The following CEP162 variants were observed in gnomAD, a reference collection of about 807,000 sequenced individuals.
CEP162 encodes the protein centrosomal protein 162.
CEP162 carries 141 observed loss-of-function variants against 169.2 expected under a neutral mutation model. The ratio of observed to expected loss-of-function variants is 0.83; its 90% CI spans 0.73 to 0.96. The LOEUF (loss-of-function observed/expected upper bound fraction) is 0.96. CEP162 is among the 40% of genes least tolerant of loss of function. The pLI is 0.00. For synonymous variants in CEP162, 540 were observed against 526.4 expected (o/e 1.03, Z -0.35); for missense variants, 1,600 against 1,587.2 (o/e 1.01, Z -0.14).
intron 24 of CEP162, among the ~76,000 whole-genome samples, chr6:84,148,446 T>C (rs1000475100): frequency 4.6e-5 from 7 of 152,052 alleles, no homozygotes; most frequent in Non-Finnish European, 1.0e-4. Flanking sequence ...GAAGAATCGC[T>C]TGAACCTGGG....
At chr6:84,161,939 T>C (rs2099525954) in intron 19 of CEP162, 30 bp from the exon 20 acceptor site, 3 of 1,335,046 alleles carry the variant, frequency 2.2e-6, no homozygotes, top group East Asian at 4.7e-5. Flanking sequence ...AATAACCTGC[T>C]TGTTGTTCTC....
At chr6:84,127,992 A>T (rs901060984) in intron 25 of CEP162, among the ~76,000 whole-genome samples, 2 of 152,142 alleles carry the variant, frequency 1.3e-5, no homozygotes, top group Non-Finnish European at 2.9e-5. Flanking sequence ...CAGATGTCTC[A>T]TTTTTTTATT....
chr6:84,164,963 C>A (rs1281263586), intron 18 of CEP162, among the ~76,000 whole-genome samples: 1 of 152,114 alleles, frequency 6.6e-6, no homozygotes, highest in African/African-American at 2.4e-5. Flanking sequence ...TATAACCCAG[C>A]TTTACCCATG....
At chr6:84,145,333 T>C (rs998164310) in intron 25 of CEP162, among the ~76,000 whole-genome samples, 1 of 152,164 alleles carries the variant, frequency 6.6e-6, no homozygotes, top group Admixed American at 6.6e-5. Flanking sequence ...AGAATCCTTA[T>C]TAAAAGTTCC....
At chr6:84,224,285 C>T (rs77276529) in intron 2 of CEP162, among the ~76,000 whole-genome samples, 5,269 of 152,204 alleles carry the variant, frequency 0.035, 150 homozygotes, top group African/African-American at 0.082. Flanking sequence ...AAACCAGACC[C>T]AAAGGGCCCC....
At chr6:84,175,737 C>T (rs1158821238) in intron 13 of CEP162, among the ~76,000 whole-genome samples, 2 of 152,102 alleles carry the variant, frequency 1.3e-5, no homozygotes, top group African/African-American at 4.8e-5. Flanking sequence ...CAGCTGATAA[C>T]ATTATGAAAC....
chr6:84,225,704 ATAAT>A (rs1344540682), intron 2 of CEP162, among the ~76,000 whole-genome samples: 1 of 146,940 alleles, frequency 6.8e-6, no homozygotes, highest in Non-Finnish European at 1.5e-5. Flanking sequence ...TACAAGAAAA[ATAAT>A]TAATGTGCTA....
chr6:84,174,626 A>T, intron 15 of CEP162, 101 bp downstream of exon 15: 1 of 639,248 alleles, frequency 1.6e-6, no homozygotes, highest in South Asian at 2.3e-5. Flanking sequence ...CATCAAGTCA[A>T]ACATCTCTAG....
At chr6:84,180,819 C>G (rs1303129972) in intron 13 of CEP162, among the ~76,000 whole-genome samples, 1 of 152,128 alleles carries the variant, frequency 6.6e-6, no homozygotes, top group South Asian at 2.1e-4. Context: ...AGGAGAACTA[C>G]AAAACACTGC....
At chr6:84,214,025 TC>T (rs2099550595) in intron 5 of CEP162, among the ~76,000 whole-genome samples, 1 of 152,194 alleles carries the variant, frequency 6.6e-6, no homozygotes, top group South Asian at 2.1e-4. Context: ...ATGCCTGTAA[TC>T]CCAGCACTTT....
At chr6:84,201,891 CTG>C in intron 7 of CEP162, 124 bp from the exon 8 acceptor site, 1 of 526,174 alleles carries the variant, frequency 1.9e-6, no homozygotes, top group South Asian at 2.7e-5. Flanking sequence ...CGATCAGGAA[CTG>C]TGTTTTCTAG....
chr6:84,164,321 C>G (rs1205351526), intron 18 of CEP162, among the ~76,000 whole-genome samples: 1 of 152,132 alleles, frequency 6.6e-6, no homozygotes, highest in Admixed American at 6.6e-5. Context: ...ACTAGAAATA[C>G]CATTTGACTC....
At chr6:84,215,240 T>G (rs746596072) in intron 5 of CEP162, 42 bp downstream of exon 5, 2 of 1,165,570 alleles carry the variant, frequency 1.7e-6, no homozygotes, top group East Asian at 2.8e-5. Context: ...TCCAAAAACA[T>G]AGAAATCATA....
intron 21 of CEP162, 158 bp from the exon 22 acceptor site, chr6:84,155,668 T>C (rs2476906): frequency 0.13 from 76,006 of 585,440 alleles, 14,094 homozygotes; most frequent in African/African-American, 0.67. Flanking sequence ...CCTAGGAATA[T>C]ATTTAACCAA....
intron 1 of CEP162, among the ~76,000 whole-genome samples, chr6:84,226,915 A>G (rs548186695): frequency 6.6e-6 from 1 of 152,312 alleles, no homozygotes; most frequent in Non-Finnish European, 1.5e-5. Flanking sequence ...AGCAGACTGC[A>G]TAGTTTCGTA....
At chr6:84,214,103 C>G (rs569925830) in intron 5 of CEP162, among the ~76,000 whole-genome samples, 4 of 152,192 alleles carry the variant, frequency 2.6e-5, no homozygotes, top group African/African-American at 9.6e-5. Context: ...ACAGTGAAAC[C>G]CCTTCTCTAC....
Position 84,186,579 on chromosome 6 carries a change from G to A in CEP162, c.1154C>T (p.Ser385Phe), listed in dbSNP as rs375987361. The change falls in exon 12 of 27, where the codon TCT becomes TTT. Residue 385 changes from serine to phenylalanine, a missense_variant. By Grantham distance (155) the Ser-to-Phe change is radical. Coordinates refer to ENST00000403245, the MANE Select transcript of CEP162 (RefSeq NM_014895.4). ...ATTTGGGTTCATCTTCAGGGGTAAA[G>A]AGCTAAAAAATTCAGTTTCTTTTCT... ...AERKETEFFSSLPLKMNPNIL... is the reference protein window; with the variant it reads ...AERKETEFFSFLPLKMNPNIL... 229 of 1,607,462 alleles carry A rather than the reference G, an allele frequency of 1.4e-4. No individual in the cohort carries two copies. Among genetic ancestry groups the A allele is most frequent in the Admixed American group, 2.0e-4 (12 of 59,188 alleles).
rs758965098 is a variant in CEP162, at chr6:84,200,784, T to C, written c.835+5A>G. On this transcript the variant is annotated splice_donor_5th_base_variant and intron_variant, in intron 9 of 26. Coordinates refer to ENST00000403245, the MANE Select transcript of CEP162 (RefSeq NM_014895.4). ...GAGAACAGTCAGGTTTCTAAACATT[T>C]TTACCTGTTCCTGTCATTTCATTCT... is the stretch of plus-strand genomic sequence containing the variant. The C allele has an allele frequency of 1.5e-5, 23 of 1,508,062 alleles. No individual in the cohort carries two copies. The highest frequency in any genetic ancestry group is 2.1e-5 in the Non-Finnish European group (23 of 1,084,446). The allele number at this position is 1,508,062 out of a possible 1,614,324, so 93.4% of individuals were successfully genotyped here. A position where few individuals can be genotyped will look rare whatever the true frequency, so the allele number is the denominator to read the frequency against.
chr6:84,184,733 C>G (rs1313547861), intron 13 of CEP162, among the ~76,000 whole-genome samples: 1 of 151,958 alleles, frequency 6.6e-6, no homozygotes, highest in Non-Finnish European at 1.5e-5. Context: ...TTGGTACTCT[C>G]AATCAGATTT....
Sources: allele counts gnomAD v4.1 joint callset (sites outside exome capture counted in the v4.1 genomes callset), GRCh38; gene constraint gnomAD v4.1.1; transcripts MANE v1.5; gene names NCBI Gene and HGNC (gene_info 2026-07-23, HGNC 2026-07-21).